Variants in BRDT observed in about 807,000 individuals in gnomAD.
The protein encoded by BRDT is bromodomain testis-specific protein.
BRDT carries 77 observed loss-of-function variants against 113.9 expected under a neutral mutation model. That is an observed-to-expected ratio of 0.68 (90% CI 0.56 to 0.82). BRDT has a LOEUF of 0.82. BRDT is among the 40% of genes least tolerant of loss of function. The pLI is 0.00. For synonymous variants in BRDT, 358 were observed against 366.5 expected (o/e 0.98, Z 0.26); for missense variants, 1,027 against 1,105.4 (o/e 0.93, Z 1.01).
intron 14 of BRDT, 72 bp from the exon 15 acceptor site, chr1:91,994,011 G>A: frequency 8.2e-7 from 1 of 1,214,230 alleles, no homozygotes; most frequent in Non-Finnish European, 1.1e-6. Flanking sequence ...CTTGACTCTT[G>A]TGTTTCTGTT....
In BRDT at chr1:91,977,204, A is replaced by G. The variant is rs927183238; in HGVS notation, c.780A>G (p.Gln260=). The G allele has an allele frequency of 1.9e-6, 3 of 1,614,002 alleles. No homozygotes were observed. The highest frequency in any genetic ancestry group is 1.7e-5 in the Admixed American group (1 of 60,012). ...ATGTTTTGCCAGATTCTCAGCAACAATATAATGTTGTGAAGACTGTTAAAG... is the reference window on the plus strand; with the variant it reads ...ATGTTTTGCCAGATTCTCAGCAACAGTATAATGTTGTGAAGACTGTTAAAG... ...PKNVLPDSQQ[Q]YNVVKTVKVT... Residue 260 remains glutamine (Q), a synonymous_variant, in exon 6 of 19, where the codon CAA becomes CAG. Coordinates refer to ENST00000399546, the MANE Select transcript of BRDT (RefSeq NM_207189.4).
At chr1:91,981,404 T>TTGTA (rs35241748) in intron 11 of BRDT, 23 bp downstream of exon 11, 309,723 of 1,490,150 alleles carry the variant, frequency 0.21, 35,152 homozygotes, top group Middle Eastern at 0.23. Flanking sequence ...TTTTGTTTGT[T>TTGTA]TGTATGTATG....
chr1:92,012,245 C>G (rs372725583), intron 18 of BRDT, among the ~76,000 whole-genome samples: 4 of 149,702 alleles, frequency 2.7e-5, no homozygotes, highest in African/African-American at 9.9e-5. Context: ...TACAGTGAGC[C>G]GAGATCACGC....
chr1:91,976,690 A>C (rs1216978500), intron 5 of BRDT, among the ~76,000 whole-genome samples: 1 of 152,160 alleles, frequency 6.6e-6, no homozygotes, highest in Non-Finnish European at 1.5e-5. Flanking sequence ...TAATATCAGA[A>C]GTTGTTCACC....
intron 18 of BRDT, among the ~76,000 whole-genome samples, chr1:92,008,180 A>G (rs1687500947): frequency 1.3e-5 from 2 of 152,150 alleles, no homozygotes; most frequent in South Asian, 4.1e-4. Flanking sequence ...GGCCTCCCAA[A>G]GTGCTGGGAT....
chr1:91,954,271 ATTTTTTTTTTT>A (rs34674557), intron 1 of BRDT, among the ~76,000 whole-genome samples: 2 of 79,764 alleles, frequency 2.5e-5, no homozygotes, highest in East Asian at 3.6e-4. Flanking sequence ...GGTGCTCGGC[ATTTTTTTTTTT>A]TTTTTTTTTT....
rs1411996408 is a variant in BRDT at position 91,981,156 on chromosome 1, A to G, written c.1728A>G (p.Arg576=). The G allele has an allele frequency of 6.2e-7, 1 of 1,610,512 alleles. No homozygotes were observed. Among genetic ancestry groups the G allele is most frequent in the African/African-American group, 1.3e-5 (1 of 74,586 alleles). The change falls in exon 10 of 19, where the codon AGA becomes AGG. Residue 576 remains arginine, a synonymous_variant. Transcript: ENST00000399546. ...ELEKYVSACL[R]KRPLKPPAKK... ...AAAAATATGTTTCGGCATGTCTAAG[A>G]AAGAGACCATTAAAACCTCCTGGTA...
At chr1:91,964,834 T>C (rs1176795270) in intron 3 of BRDT, 70 bp downstream of exon 3, 1 of 1,130,286 alleles carries the variant, frequency 8.8e-7, no homozygotes, top group Non-Finnish European at 1.2e-6. Flanking sequence ...TATAAAATCA[T>C]GTGATCATTT....
In BRDT at chr1:91,978,059, CTG is replaced by C. The variant is rs927139116; in HGVS notation, c.970-107_970-106del. On this transcript the variant is annotated intron_variant, in intron 6 of 18. Coordinates refer to ENST00000399546, the MANE Select transcript of BRDT (RefSeq NM_207189.4). ...TTTGTCAAATCTGGATGGTGGACAA[CTG>C]TTTTCTGTATATTTGAATTATTTTG... 244 of 1,066,822 alleles carry C rather than the reference CTG, an allele frequency of 2.3e-4. 3 individuals carry two copies. In the Admixed American group the frequency reaches 6.4e-3, roughly 28 times the overall value. The allele number at this position is 1,066,822 out of a possible 1,614,324, so 66.1% of individuals were successfully genotyped here.
chr1:91,952,858 G>T, intron 1 of BRDT, among the ~76,000 whole-genome samples: 1 of 150,690 alleles, frequency 6.6e-6, no homozygotes, highest in Admixed American at 6.6e-5. Flanking sequence ...CCTGGGAAAA[G>T]AGTTCTAGAT....
At chr1:91,992,714 T>C (rs563978848) in intron 14 of BRDT, among the ~76,000 whole-genome samples, 1 of 152,228 alleles carries the variant, frequency 6.6e-6, no homozygotes, top group South Asian at 2.1e-4. Flanking sequence ...TTTTATATTT[T>C]TAGTAGAAAC....
At chr1:91,969,823 G>GTGTTTTT (rs1360208667) in intron 4 of BRDT, among the ~76,000 whole-genome samples, 3 of 71,718 alleles carry the variant, frequency 4.2e-5, no homozygotes, top group Admixed American at 3.4e-4. Flanking sequence ...GTGTGTGTGT[G>GTGTTTTT]TTTTTTTTTT....
intron 4 of BRDT, among the ~76,000 whole-genome samples, chr1:91,974,137 A>C (rs1314339080): frequency 3.9e-5 from 6 of 152,230 alleles, no homozygotes; most frequent in Non-Finnish European, 8.8e-5. Context: ...AATTAATTCA[A>C]GATGGATTAA....
chr1:91,966,847 G>A (rs1334240238), intron 3 of BRDT, among the ~76,000 whole-genome samples: 1 of 152,154 alleles, frequency 6.6e-6, no homozygotes, highest in Non-Finnish European at 1.5e-5. Flanking sequence ...AAGGCGGGTG[G>A]ATCACAAGGT....
rs769799321 is a variant in BRDT, at chr1:91,964,808, A to G, written c.330+44A>G. 4.7e-6 allele frequency: 6 copies of G among 1,279,934 alleles called. No individual in the cohort carries two copies. In the South Asian group the frequency reaches 6.7e-5, roughly 14 times the overall value. 79.3% of individuals were successfully genotyped at this position (1,279,934 alleles called of 1,614,324 possible). A position where few individuals can be genotyped will look rare whatever the true frequency, so the allele number is the denominator to read the frequency against. On this transcript the variant is annotated intron_variant, in intron 3 of 18. Coordinates refer to ENST00000399546, the MANE Select transcript of BRDT (RefSeq NM_207189.4). Reference sequence around the variant, plus strand: ...ATACTTGCTAATTCTTTGCCATTACATATAGGAGAGAAATGTATAAAATCA... The same window carrying G: ...ATACTTGCTAATTCTTTGCCATTACGTATAGGAGAGAAATGTATAAAATCA...
In BRDT at chr1:91,981,023, G is replaced by A. The variant is rs556447107; in HGVS notation, c.1595G>A (p.Arg532Gln). 8 of 1,614,034 alleles carry A rather than the reference G, an allele frequency of 5.0e-6. No individual in the cohort carries two copies. The highest frequency in any genetic ancestry group is 2.2e-5 in the East Asian group (1 of 44,834). The change falls in exon 10 of 19, where the codon CGA (arginine) becomes CAA (glutamine). Residue 532 changes from arginine (R) to glutamine (Q), a missense_variant. By Grantham distance (43) the Arg-to-Gln change is conservative (BLOSUM62 1). Coordinates refer to ENST00000399546, the MANE Select transcript of BRDT (RefSeq NM_207189.4). ...INKLPGDKLGRVVHIIQSREP... is the reference protein window; with the variant it reads ...INKLPGDKLGQVVHIIQSREP... ...AAACTCCCTGGAGATAAACTTGGGC[G>A]AGTAGTTCACATAATACAATCAAGA...
At chr1:91,999,551 A>C (rs1400527643) in intron 15 of BRDT, among the ~76,000 whole-genome samples, 2 of 152,064 alleles carry the variant, frequency 1.3e-5, no homozygotes, top group Admixed American at 6.6e-5. Context: ...TCTACCCCAG[A>C]ATTTCCCAAC....
chr1:91,998,997 G>T (rs915875767), intron 15 of BRDT, among the ~76,000 whole-genome samples: 1 of 152,082 alleles, frequency 6.6e-6, no homozygotes, highest in South Asian at 2.1e-4. Context: ...AGGCAATGAA[G>T]GTTTTTTTGA....
Position 91,970,928 on chromosome 1 carries a change from A to G in BRDT, c.445+2668A>G, listed in dbSNP as rs1321024444. Among the ~76,000 whole-genome samples the G allele has an allele frequency of 2.0e-5, 3 of 150,788 alleles. No individual in the cohort carries two copies. In the East Asian group the frequency reaches 5.8e-4, roughly 29 times the overall value. Reference sequence around the variant, plus strand: ...CCTTTCTCAAAAAAAAAAAAAAAAAAAAGAAAAGGAAAGAAATATGTGAGG... The same window carrying G: ...CCTTTCTCAAAAAAAAAAAAAAAAAGAAGAAAAGGAAAGAAATATGTGAGG... On this transcript the variant is annotated intron_variant, in intron 4 of 18. Transcript: ENST00000399546.
Sources: gnomAD v4.1 joint callset for allele counts (sites outside exome capture counted in the v4.1 genomes callset) on GRCh38, gnomAD v4.1.1 for gene constraint, MANE v1.5 for transcripts, NCBI Gene and HGNC (gene_info 2026-07-23, HGNC 2026-07-21) for gene names.